Variants in KCTD1 observed in about 807,000 individuals in gnomAD.
KCTD1 encodes the protein potassium channel tetramerization domain containing 1.
In KCTD1, 24 loss-of-function variants were observed where a neutral mutation model predicts 66.0. The ratio of observed to expected loss-of-function variants is 0.36; its 90% CI spans 0.26 to 0.51. The LOEUF is 0.51. KCTD1 is among the 20% of genes least tolerant of loss of function. KCTD1 has a pLI of 0.95. For synonymous variants in KCTD1, 511 were observed against 517.2 expected (o/e 0.99, Z 0.16); for missense variants, 943 against 1,205.2 (o/e 0.78, Z 3.22).
At chr18:26,588,893 G>C (rs1315556464) in intron 1 of KCTD1, among the ~76,000 whole-genome samples, 1 of 119,478 alleles carries the variant, frequency 8.4e-6, no homozygotes, top group South Asian at 2.7e-4. Flanking sequence ...ACAGTATAGA[G>C]CAGTGTGTTG....
At chr18:26,490,024 AATG>A (rs1982112925) in intron 2 of KCTD1, among the ~76,000 whole-genome samples, 1 of 152,180 alleles carries the variant, frequency 6.6e-6, no homozygotes, top group Non-Finnish European at 1.5e-5. Context: ...GGTGTTGCTC[AATG>A]ATATTATTCA....
At chr18:26,525,440 G>A (rs1984110613) in intron 1 of KCTD1, among the ~76,000 whole-genome samples, 1 of 152,168 alleles carries the variant, frequency 6.6e-6, no homozygotes, top group Admixed American at 6.5e-5. Flanking sequence ...AGCCTCCAGT[G>A]AGGTCCAACT....
upstream of KCTD1, among the ~76,000 whole-genome samples, chr18:26,630,992 T>C (rs956067628): frequency 1.2e-4 from 18 of 152,242 alleles, no homozygotes; most frequent in African/African-American, 3.9e-4. Context: ...CCTACACTTA[T>C]ATATGCTTTT....
intron 1 of KCTD1, chr18:26,599,553 TG>T: frequency 6.6e-7 from 1 of 1,510,210 alleles, no homozygotes; most frequent in Non-Finnish European, 9.2e-7. Flanking sequence ...ATGAACCAGC[TG>T]TTGCAGTCTG....
Position 26,613,375 on chromosome 18 carries a change from C to G in KCTD1, c.-16+15772G>C, listed in dbSNP as rs114626120. On this transcript the variant is annotated intron_variant, in intron 1 of 4. Coordinates refer to the KCTD1 transcript ENST00000317932. ...TGTGGGAGAAATTCTTGGGCCCAAA[C>G]CACCCAGCCTGTGAAGTAAAATGAA... 5.0e-3 allele frequency among the ~76,000 whole-genome samples: 754 copies of G among 152,308 alleles called. 6 individuals carry two copies. The highest frequency in any genetic ancestry group is 0.017 in the African/African-American group (715 of 41,562).
At chr18:26,606,687 G>A (rs527982064) in intron 1 of KCTD1, among the ~76,000 whole-genome samples, 1 of 152,144 alleles carries the variant, frequency 6.6e-6, no homozygotes, top group African/African-American at 2.4e-5. Flanking sequence ...TCTGACCATC[G>A]AGCCCTTGGC....
intron 1 of KCTD1, among the ~76,000 whole-genome samples, chr18:26,506,381 G>T (rs1567972257): frequency 1.3e-5 from 2 of 152,168 alleles, no homozygotes. Context: ...TTAACCCAGG[G>T]TTGGGGGCTG....
chr18:26,575,891 C>T (rs1986214043), intron 1 of KCTD1, among the ~76,000 whole-genome samples: 1 of 152,206 alleles, frequency 6.6e-6, no homozygotes, highest in Admixed American at 6.5e-5. Flanking sequence ...TAAGTGTCAG[C>T]TACGACGATA....
At chr18:26,597,572 T>A (rs1041279502) in intron 1 of KCTD1, among the ~76,000 whole-genome samples, 1 of 151,778 alleles carries the variant, frequency 6.6e-6, no homozygotes, top group Non-Finnish European at 1.5e-5. Context: ...TGTATGTACA[T>A]ACATGCTTCC....
intron 1 of KCTD1, among the ~76,000 whole-genome samples, chr18:26,554,955 C>A (rs1427900090): frequency 6.6e-6 from 1 of 152,072 alleles, no homozygotes; most frequent in African/African-American, 2.4e-5. Context: ...GAATGATAGT[C>A]ATTTCTTTCT....
At chr18:26,577,756 T>G (rs1332669256) in intron 1 of KCTD1, among the ~76,000 whole-genome samples, 1 of 151,980 alleles carries the variant, frequency 6.6e-6, no homozygotes, top group East Asian at 1.9e-4. Flanking sequence ...TGTTTTTTTG[T>G]AGAGATGAGA....
At chr18:26,642,202 G>A (rs553450891), upstream of KCTD1, among the ~76,000 whole-genome samples, 10 of 152,246 alleles carry the variant, frequency 6.6e-5, no homozygotes, top group African/African-American at 2.4e-4. Flanking sequence ...AGGAGCTTTG[G>A]AGGAAATCCA....
intron 1 of KCTD1, among the ~76,000 whole-genome samples, chr18:26,596,809 T>C (rs1235150833): frequency 6.6e-6 from 1 of 152,282 alleles, no homozygotes; most frequent in African/African-American, 2.4e-5. Context: ...TACTACTCTC[T>C]ATAATGTTTG....
intron 1 of KCTD1, among the ~76,000 whole-genome samples, chr18:26,611,332 TTTTGTTTGTTTGTTTGTTTG>T (rs141699243): frequency 6.6e-6 from 1 of 150,462 alleles, no homozygotes; most frequent in Non-Finnish European, 1.5e-5. Flanking sequence ...AGTAACTGGG[TTTTGTTTGTTTGTTTGTTTG>T]TTTGTTTGTT....
chr18:26,487,315 A>G (rs1981970363), intron 2 of KCTD1, among the ~76,000 whole-genome samples: 1 of 152,222 alleles, frequency 6.6e-6, no homozygotes, highest in Non-Finnish European at 1.5e-5. Flanking sequence ...ATATCTCTTG[A>G]AAAGGAGGAC....
chr18:26,609,898 A>C (rs1987096804), intron 1 of KCTD1, among the ~76,000 whole-genome samples: 1 of 152,260 alleles, frequency 6.6e-6, no homozygotes, highest in Admixed American at 6.5e-5. Context: ...TAAAACACAT[A>C]AAGTGTGTCA....
At chr18:26,480,004 C>G (rs1346554656) in intron 2 of KCTD1, among the ~76,000 whole-genome samples, 1 of 150,972 alleles carries the variant, frequency 6.6e-6, no homozygotes, top group East Asian at 2.0e-4. Context: ...TAGCCAAGAC[C>G]AAGCTGGCTC....
chr18:26,491,263 C>T (rs1982187885), intron 2 of KCTD1, among the ~76,000 whole-genome samples: 1 of 152,134 alleles, frequency 6.6e-6, no homozygotes, highest in Non-Finnish European at 1.5e-5. Context: ...ACTAACACAG[C>T]CATGGGCCTC....
chr18:26,620,855 CAG>C (rs1987366532), intron 1 of KCTD1, among the ~76,000 whole-genome samples: 1 of 124,670 alleles, frequency 8.0e-6, no homozygotes, highest in Admixed American at 9.0e-5. Context: ...TTTTTTGAGA[CAG>C]AGTCTCCCTC....
Sources: gnomAD v4.1 joint callset for allele counts (sites outside exome capture counted in the v4.1 genomes callset) on GRCh38, gnomAD v4.1.1 for gene constraint, MANE v1.5 for transcripts, NCBI Gene and HGNC (gene_info 2026-07-23, HGNC 2026-07-21) for gene names.